The following CADM1 variants were observed in gnomAD, a reference collection of about 807,000 sequenced individuals.
CADM1 encodes the protein cell adhesion molecule 1.
CADM1 carries 15 observed loss-of-function variants against 53.1 expected under a neutral mutation model. That is an observed-to-expected ratio of 0.28 (90% CI 0.19 to 0.44). The LOEUF (loss-of-function observed/expected upper bound fraction) is 0.44. CADM1 is among the 20% of genes least tolerant of loss of function. CADM1 has a pLI of 1.00. For synonymous variants in CADM1, 281 were observed against 243.0 expected, an observed-to-expected ratio of 1.16 and a Z score of -1.45; for missense variants, 434 against 611.3, an observed-to-expected ratio of 0.71 and a Z score of 3.06.
intron 1 of CADM1, among the ~76,000 whole-genome samples, chr11:115,473,183 G>T (rs1949053609): frequency 6.6e-6 from 1 of 152,208 alleles, no homozygotes; most frequent in African/African-American, 2.4e-5. Flanking sequence ...AGCAGGCCGG[G>T]CATGATGGCT....
chr11:115,173,745 A>G lies in CADM1; in HGVS notation c.*2729T>C. On this transcript the variant is annotated 3_prime_UTR_variant, in exon 12 of 12. Coordinates refer to ENST00000331581, the MANE Select transcript of CADM1 (RefSeq NM_001301043.2). ...ACCAATACAAAATGCGAATGGGAAC[A>G]TATGGATATGGAGTTTCTTACACTG... The G allele has an allele frequency of 2.1e-6, 2 of 960,598 alleles. No individual in the cohort carries two copies. Among genetic ancestry groups the G allele is most frequent in the Non-Finnish European group, 2.5e-6 (2 of 807,722 alleles). The allele number at this position is 960,598 out of a possible 1,614,324, so 59.5% of individuals were successfully genotyped here.
At chr11:115,375,281 A>G (rs987183796) in intron 1 of CADM1, among the ~76,000 whole-genome samples, 1 of 152,192 alleles carries the variant, frequency 6.6e-6, no homozygotes, top group Admixed American at 6.5e-5. Flanking sequence ...TGTCAAAAGC[A>G]AAAGCAAACA....
intron 1 of CADM1, among the ~76,000 whole-genome samples, chr11:115,458,728 G>C (rs1323883108): frequency 6.6e-6 from 1 of 151,864 alleles, no homozygotes; most frequent in African/African-American, 2.4e-5. Flanking sequence ...GTAATCTAAT[G>C]CATGTACCAA....
intron 1 of CADM1, among the ~76,000 whole-genome samples, chr11:115,264,622 G>A (rs1943075886): frequency 6.6e-6 from 1 of 152,240 alleles, no homozygotes; most frequent in South Asian, 2.1e-4. Context: ...GGTGGAACCA[G>A]ATGGAGCTAG....
At position 115,456,560 on chromosome 11, in the gene CADM1, C is replaced by G. The variant is rs146982799; in HGVS notation, c.124+47711G>C. ...AGTCTCATTAAATTATCATTAAAGG[C>G]TTAGCACTTGTATATATAGATAAGA... On this transcript the variant is annotated intron_variant, in intron 1 of 11. Coordinates refer to ENST00000331581, the MANE Select transcript of CADM1 (RefSeq NM_001301043.2). Among the ~76,000 whole-genome samples the G allele has an allele frequency of 3.4e-3, 512 of 152,136 alleles. 3 individuals carry two copies. The highest frequency in any genetic ancestry group is 5.4e-3 in the Non-Finnish European group (365 of 67,980).
At chr11:115,477,848 T>C (rs928454485) in intron 1 of CADM1, among the ~76,000 whole-genome samples, 1 of 152,210 alleles carries the variant, frequency 6.6e-6, no homozygotes, top group Non-Finnish European at 1.5e-5. Context: ...TTACATTCAG[T>C]GCAATGGAGG....
At chr11:115,217,796 A>T in intron 6 of CADM1, 96 bp downstream of exon 6, 1 of 800,616 alleles carries the variant, frequency 1.2e-6, no homozygotes, top group Admixed American at 1.7e-5. Context: ...TTGCAGCAGG[A>T]GACAGGTGAC....
At chr11:115,429,786 A>C (rs921655177) in intron 1 of CADM1, among the ~76,000 whole-genome samples, 5 of 152,116 alleles carry the variant, frequency 3.3e-5, no homozygotes, top group African/African-American at 1.2e-4. Flanking sequence ...GAAGTAGATA[A>C]TGTGATTTTA....
chr11:115,334,385 C>T (rs111305003), intron 1 of CADM1, among the ~76,000 whole-genome samples: 360 of 152,116 alleles, frequency 2.4e-3, no homozygotes, highest in Non-Finnish European at 4.1e-3. Context: ...AGTAGTCCCC[C>T]CCTTATCTGT....
chr11:115,204,342 G>A (rs1465441523), intron 8 of CADM1, among the ~76,000 whole-genome samples: 1 of 152,142 alleles, frequency 6.6e-6, no homozygotes, highest in Non-Finnish European at 1.5e-5. Context: ...CCTTCTGCCT[G>A]TGCCACCGAA....
intron 1 of CADM1, among the ~76,000 whole-genome samples, chr11:115,468,842 A>G (rs1478334252): frequency 1.3e-5 from 2 of 152,244 alleles, no homozygotes; most frequent in African/African-American, 4.8e-5. Flanking sequence ...TAACAGCTCC[A>G]CATGGCCAGG....
rs575633386 is a variant in CADM1 at position 115,375,335 on chromosome 11, C to T, written c.124+128936G>A. Reference sequence around the variant, plus strand: ...GCATTATAGTTCAAATCCTGGTTATCACTGGGGAGGAAGGAAGCGCAGTAA... The same window carrying T: ...GCATTATAGTTCAAATCCTGGTTATTACTGGGGAGGAAGGAAGCGCAGTAA... On this transcript the variant is annotated intron_variant, in intron 1 of 11. Coordinates refer to ENST00000331581, the MANE Select transcript of CADM1 (RefSeq NM_001301043.2). 9.9e-5 allele frequency among the ~76,000 whole-genome samples: 15 copies of T among 152,208 alleles called. No individual in the cohort carries two copies. The South Asian group carries it at 3.1e-3, about 32-fold the overall frequency.
chr11:115,251,760 T>C (rs1256835875), intron 1 of CADM1, among the ~76,000 whole-genome samples: 23 of 152,222 alleles, frequency 1.5e-4, no homozygotes, highest in Admixed American at 1.5e-3. Context: ...TATTAGTTTT[T>C]AAAACTGGTT....
chr11:115,202,183 G>A (rs1940461685), intron 8 of CADM1, among the ~76,000 whole-genome samples: 1 of 18,930 alleles, frequency 5.3e-5, no homozygotes, highest in Non-Finnish European at 1.1e-4. Context: ...ATTTAACTAA[G>A]TAGCAAAAAA....
At chr11:115,186,052 T>C (rs1013603504) in intron 10 of CADM1, among the ~76,000 whole-genome samples, 4 of 152,146 alleles carry the variant, frequency 2.6e-5, no homozygotes, top group African/African-American at 9.7e-5. Flanking sequence ...AACAGGAGCA[T>C]GTTGGATTAT....
chr11:115,389,231 T>TATA (rs1946774266), intron 1 of CADM1, among the ~76,000 whole-genome samples: 1 of 152,112 alleles, frequency 6.6e-6, no homozygotes, highest in Non-Finnish European at 1.5e-5. Flanking sequence ...TGAATACGGG[T>TATA]ATACATTGTA....
chr11:115,423,311 C>T (rs1947807198), intron 1 of CADM1, among the ~76,000 whole-genome samples: 1 of 152,136 alleles, frequency 6.6e-6, no homozygotes, highest in South Asian at 2.1e-4. Flanking sequence ...AAAGATAATC[C>T]TCAACTAAGT....
At position 115,328,686 on chromosome 11, in the gene CADM1, A is replaced by AT. The variant is rs1945031106; in HGVS notation, c.125-88267dup. Among the ~76,000 whole-genome samples, 2 of 30,372 alleles carry AT rather than the reference A, an allele frequency of 6.6e-5. 1 individual carries two copies. Among genetic ancestry groups the AT allele is most frequent in the Admixed American group, 1.3e-3 (2 of 1,596 alleles). The allele number at this position is 30,372 out of a possible 152,430, so 19.9% of individuals were successfully genotyped here. A position where few individuals can be genotyped will look rare whatever the true frequency, so the allele number is the denominator to read the frequency against. On this transcript the variant is annotated intron_variant, in intron 1 of 11. Coordinates refer to ENST00000331581, the MANE Select transcript of CADM1 (RefSeq NM_001301043.2). ...GCACACTATATATATATGTGTATAT[A>AT]TATGTGTATATATATGTATATATAT...
At chr11:115,422,138 G>A (rs995402871) in intron 1 of CADM1, among the ~76,000 whole-genome samples, 3 of 152,178 alleles carry the variant, frequency 2.0e-5, no homozygotes, top group African/African-American at 4.8e-5. Flanking sequence ...GTCCACAGGT[G>A]TGTCCAGGCA....
Sources: allele counts gnomAD v4.1 joint callset (sites outside exome capture counted in the v4.1 genomes callset), GRCh38; gene constraint gnomAD v4.1.1; transcripts MANE v1.5; gene names NCBI Gene and HGNC (gene_info 2026-07-23, HGNC 2026-07-21).